Variants in UPP1 observed in about 807,000 individuals in gnomAD.
The protein encoded by UPP1 is UPase 1.
Under a neutral mutation model 29.6 loss-of-function variants are expected in UPP1, and 25 were observed. The observed-to-expected ratio is 0.85, with a 90% CI of 0.62 to 1.18. The LOEUF (loss-of-function observed/expected upper bound fraction) is 1.18. Ranked by LOEUF, UPP1 falls within the 50% of genes most tolerant of loss-of-function variation. UPP1 has a pLI of 0.00. For synonymous variants in UPP1, 165 were observed against 159.8 expected (o/e 1.03, Z -0.25); for missense variants, 368 against 410.4 (o/e 0.90, Z 0.89).
At chr7:48,093,123 G>C (rs1296827052) in intron 2 of UPP1, among the ~76,000 whole-genome samples, 1 of 152,210 alleles carries the variant, frequency 6.6e-6, no homozygotes, top group Non-Finnish European at 1.5e-5. Flanking sequence ...GATTTCCAAA[G>C]AAGTGTTGTG....
chr7:48,090,713 T>G (rs1562646203), intron 2 of UPP1, among the ~76,000 whole-genome samples: 1 of 152,228 alleles, frequency 6.6e-6, no homozygotes, highest in Admixed American at 6.5e-5. Context: ...CTCCCGCCTT[T>G]CAGTTTGTTT....
intron 3 of UPP1, among the ~76,000 whole-genome samples, chr7:48,096,658 A>G (rs578261827): frequency 1.4e-4 from 21 of 151,106 alleles, no homozygotes; most frequent in Non-Finnish European, 2.5e-4. Flanking sequence ...CTGCTGATAA[A>G]CTCCTGGAAT....
chr7:48,089,875 C>T (rs990076659), intron 1 of UPP1, among the ~76,000 whole-genome samples: 19 of 152,232 alleles, frequency 1.2e-4, no homozygotes, highest in African/African-American at 4.1e-4. Flanking sequence ...TGCTGGGAGC[C>T]CCAGATAAGA....
At position 48,108,393 on chromosome 7, in the gene UPP1, A is replaced by G; in HGVS notation, c.*36A>G. The G allele has an allele frequency of 6.3e-7, 1 of 1,583,988 alleles. No individual in the cohort carries two copies. Among genetic ancestry groups the G allele is most frequent in the Non-Finnish European group, 8.6e-7 (1 of 1,158,320 alleles). On this transcript the variant is annotated 3_prime_UTR_variant, in exon 9 of 9. Transcript: ENST00000395564. ...GCACCTCCGCAGACCTGCTGTGATG[A>G]CTTGCCATTAAAAGCATTGTCCAAA... is the stretch of plus-strand genomic sequence containing the variant.
chr7:48,107,522 A>G lies in UPP1; in HGVS notation c.793+15A>G. 6.3e-7 allele frequency: 1 copy of G among 1,594,326 alleles called. No homozygotes were observed. The highest frequency in any genetic ancestry group is 8.6e-7 in the Non-Finnish European group (1 of 1,166,604). On this transcript the variant is annotated intron_variant, in intron 8 of 8. Transcript: ENST00000395564. ...CGGCCTCCAAGGTAAGCGGCACTTG[A>G]TGGGCCTCGGCGTCCCCTCCTCCCT...
chr7:48,104,525 A>T (rs1430708855), intron 6 of UPP1: 1 of 152,212 alleles, frequency 6.6e-6, no homozygotes, highest in African/African-American at 2.4e-5. Flanking sequence ...TACTTGTTCC[A>T]GGCTGTCTAG....
upstream of UPP1, chr7:48,088,925 TAAG>T (rs1202614950): frequency 3.3e-5 from 5 of 152,252 alleles, no homozygotes; most frequent in Admixed American, 6.5e-5. Context: ...ACCACGTGGG[TAAG>T]AAGATTTCCT....
chr7:48,107,124 C>G, intron 7 of UPP1, 42 bp downstream of exon 7: 1 of 1,602,310 alleles, frequency 6.2e-7, no homozygotes, highest in South Asian at 1.1e-5. Flanking sequence ...AGCCAGGGAA[C>G]CCTGGTCCGT....
chr7:48,107,914 C>A (rs916345052), intron 8 of UPP1, among the ~76,000 whole-genome samples: 2 of 152,196 alleles, frequency 1.3e-5, no homozygotes, highest in Admixed American at 6.5e-5. Flanking sequence ...CAAAACGTGC[C>A]TTTCAAGGTG....
intron 2 of UPP1, among the ~76,000 whole-genome samples, chr7:48,092,784 C>T (rs1346490081): frequency 2.0e-5 from 3 of 151,556 alleles, no homozygotes; most frequent in Admixed American, 2.0e-4. Context: ...CTCACTACAA[C>T]CTTCATCTCC....
intron 5 of UPP1, 122 bp from the exon 6 acceptor site, chr7:48,103,175 G>T (rs1439119093): frequency 4.3e-6 from 3 of 691,352 alleles, no homozygotes; most frequent in Non-Finnish European, 7.5e-6. Flanking sequence ...TATTTAAAAA[G>T]TTTATCTTTC....
Position 48,106,882 on chromosome 7 carries a change from C to T in UPP1, c.446C>T (p.Pro149Leu), listed in dbSNP as rs1345277112. The T allele has an allele frequency of 6.2e-7, 1 of 1,613,662 alleles. No individual in the cohort carries two copies. The highest frequency in any genetic ancestry group is 1.7e-5 in the Admixed American group (1 of 60,006). ...IGTSGGIGLE[P>L]GTVVITEQAV... ...CTGCTTTTTTCCTCAGGTCTGGAGC[C>T]CGGCACTGTGGTCATAACAGAGCAG... The change falls in exon 7 of 9, where the codon CCC becomes CTC. Residue 149 changes from proline (P) to leucine (L), a missense_variant. Physicochemically the swap from Pro to Leu is moderately conservative, Grantham distance 98 (BLOSUM62 -3). Coordinates refer to ENST00000395564, the MANE Select transcript of UPP1 (RefSeq NM_003364.4).
intron 4 of UPP1, among the ~76,000 whole-genome samples, chr7:48,100,210 T>A (rs1792348863): frequency 6.6e-6 from 1 of 152,190 alleles, no homozygotes; most frequent in Non-Finnish European, 1.5e-5. Flanking sequence ...TAGGCAGTTG[T>A]AACACAGTGG....
At chr7:48,106,764 G>A in intron 6 of UPP1, 109 bp from the exon 7 acceptor site, 1 of 940,602 alleles carries the variant, frequency 1.1e-6, no homozygotes, top group Non-Finnish European at 1.7e-6. Flanking sequence ...ATGTGTGGGT[G>A]GATCTGCTTC....
At chr7:48,101,421 T>G (rs1308081521) in intron 4 of UPP1, among the ~76,000 whole-genome samples, 1 of 152,166 alleles carries the variant, frequency 6.6e-6, no homozygotes, top group Non-Finnish European at 1.5e-5. Flanking sequence ...GAGCGGTCAG[T>G]AGCCCATTTT....
At chr7:48,093,825 C>T (rs1356158053) in intron 2 of UPP1, among the ~76,000 whole-genome samples, 1 of 152,008 alleles carries the variant, frequency 6.6e-6, no homozygotes, top group Non-Finnish European at 1.5e-5. Flanking sequence ...CCATCTTTGA[C>T]CCAATTCTTC....
At chr7:48,093,052 T>C (rs1204878089) in intron 2 of UPP1, among the ~76,000 whole-genome samples, 2 of 151,858 alleles carry the variant, frequency 1.3e-5, no homozygotes, top group Non-Finnish European at 2.9e-5. Flanking sequence ...AAAAAAAAAA[T>C]CAACAACACC....
intron 6 of UPP1, 31 bp from the exon 7 acceptor site, chr7:48,106,842 T>C (rs1792773117): frequency 1.2e-6 from 2 of 1,609,566 alleles, no homozygotes; most frequent in Admixed American, 1.7e-5. Context: ...TTTTACACCC[T>C]GCATATCTTG....
At chr7:48,101,650 C>T (rs1188891267) in intron 4 of UPP1, among the ~76,000 whole-genome samples, 174 bp from the exon 5 acceptor site, 7 of 152,126 alleles carry the variant, frequency 4.6e-5, no homozygotes, top group Non-Finnish European at 7.4e-5. Flanking sequence ...CACCAGGGGG[C>T]CTTGTTAAAG....
Sources: gnomAD v4.1 joint callset for allele counts (sites outside exome capture counted in the v4.1 genomes callset) on GRCh38, gnomAD v4.1.1 for gene constraint, MANE v1.5 for transcripts, NCBI Gene and HGNC (gene_info 2026-07-23, HGNC 2026-07-21) for gene names.